The following PLPP3 variants were observed in gnomAD, a reference collection of about 807,000 sequenced individuals.
PLPP3 encodes phospholipid phosphatase 3.
In PLPP3, 6 loss-of-function variants were observed where a neutral mutation model predicts 29.6. The observed-to-expected ratio is 0.20, with a 90% CI of 0.11 to 0.40. The LOEUF (loss-of-function observed/expected upper bound fraction) is 0.40. PLPP3 is among the 10% of genes least tolerant of loss of function. The probability of loss-of-function intolerance (pLI) is 1.00; values close to 1 mark genes in which losing one functional copy is unlikely to be tolerated. For synonymous variants in PLPP3, 152 were observed against 159.7 expected (o/e 0.95, Z 0.36); for missense variants, 308 against 407.7 (o/e 0.76, Z 2.11).
intron 1 of PLPP3, among the ~76,000 whole-genome samples, chr1:56,577,925 TAA>T (rs35749896): frequency 6.8e-6 from 1 of 146,062 alleles, no homozygotes; most frequent in African/African-American, 2.5e-5. Context: ...TGATTCGCTT[TAA>T]AAAAAAAAAA....
intron 1 of PLPP3, among the ~76,000 whole-genome samples, chr1:56,542,630 T>C (rs535248969): frequency 3.5e-4 from 53 of 152,234 alleles, no homozygotes; most frequent in Admixed American, 5.9e-4. Flanking sequence ...TAAACTAACA[T>C]CTGCAGAAAG....
chr1:56,537,452 A>T (rs564863989), intron 1 of PLPP3, among the ~76,000 whole-genome samples: 7 of 152,300 alleles, frequency 4.6e-5, no homozygotes, highest in Admixed American at 3.9e-4. Flanking sequence ...TTACTAATAT[A>T]GCCCCAAATC....
chr1:56,537,189 G>A (rs558272436), intron 1 of PLPP3, 77 bp from the exon 2 acceptor site: 71 of 1,447,540 alleles, frequency 4.9e-5, no homozygotes, highest in East Asian at 2.3e-4. Context: ...TGCCAAAGAG[G>A]AACTTCAAGA....
intron 4 of PLPP3, among the ~76,000 whole-genome samples, chr1:56,517,609 T>C (rs1645790256): frequency 6.6e-6 from 1 of 152,246 alleles, no homozygotes; most frequent in East Asian, 1.9e-4. Flanking sequence ...CCAAGAGATA[T>C]GATGTACATT....
At chr1:56,554,398 C>T (rs1646060227) in intron 1 of PLPP3, among the ~76,000 whole-genome samples, 1 of 151,876 alleles carries the variant, frequency 6.6e-6, no homozygotes. Flanking sequence ...CGGTGAAACC[C>T]TGACTCTACT....
intron 1 of PLPP3, among the ~76,000 whole-genome samples, chr1:56,565,133 C>T (rs1038203885): frequency 6.6e-6 from 1 of 152,206 alleles, no homozygotes; most frequent in African/African-American, 2.4e-5. Flanking sequence ...ATGAAATCTG[C>T]TGTGTGGCTG....
At chr1:56,555,451 A>AAAAAAAAAC in intron 1 of PLPP3, among the ~76,000 whole-genome samples, 1 of 142,182 alleles carries the variant, frequency 7.0e-6, no homozygotes, top group South Asian at 2.4e-4. Context: ...AAAAAAAAAA[A>AAAAAAAAAC]AAAAAAAAAC....
chr1:56,496,804 G>A (rs1431958036), intron 5 of PLPP3, 128 bp from the exon 6 acceptor site: 1 of 897,274 alleles, frequency 1.1e-6, no homozygotes, highest in Non-Finnish European at 1.7e-6. Context: ...TTTGAATAGG[G>A]AAGGACAACA....
chr1:56,499,300 G>A (rs767467403), intron 5 of PLPP3, among the ~76,000 whole-genome samples: 5 of 152,226 alleles, frequency 3.3e-5, no homozygotes, highest in African/African-American at 1.2e-4. Flanking sequence ...GTTCTCTAAT[G>A]ATCTGGATAC....
chr1:56,537,733 A>G (rs1396886668), intron 1 of PLPP3, among the ~76,000 whole-genome samples: 1 of 151,920 alleles, frequency 6.6e-6, no homozygotes, highest in African/African-American at 2.4e-5. Context: ...TAGCTGCTTC[A>G]TGAATGCCAT....
In PLPP3 at chr1:56,579,181, C is replaced by G; in HGVS notation, c.-165G>C. 2.5e-6 allele frequency: 2 copies of G among 799,276 alleles called. No individual in the cohort carries two copies. The highest frequency in any genetic ancestry group is 3.7e-6 in the Non-Finnish European group (2 of 539,296). 49.5% of individuals were successfully genotyped at this position (799,276 alleles called of 1,614,324 possible). On this transcript the variant is annotated 5_prime_UTR_variant, in exon 1 of 6. Transcript: ENST00000371250. ...AGAGTGCAGCCGGGGCTGCCTGCCT[C>G]CAACTGCAGAAGGTGGTGTTTTCTG...
At chr1:56,538,486 G>C in intron 1 of PLPP3, 3 of 444,952 alleles carry the variant, frequency 6.7e-6, no homozygotes, top group Non-Finnish European at 1.3e-5. Flanking sequence ...AGAGGCACCC[G>C]ATAGATGTTC....
chr1:56,507,816 G>C (rs1233421937), intron 5 of PLPP3, among the ~76,000 whole-genome samples: 2 of 152,192 alleles, frequency 1.3e-5, no homozygotes, highest in African/African-American at 4.8e-5. Context: ...ACAGAAGAAG[G>C]TGTGACAATG....
At chr1:56,544,542 T>C (rs1003337133) in intron 1 of PLPP3, among the ~76,000 whole-genome samples, 11 of 152,172 alleles carry the variant, frequency 7.2e-5, no homozygotes, top group African/African-American at 2.7e-4. Context: ...GATACATCAA[T>C]TGATTTAATT....
intron 4 of PLPP3, 65 bp downstream of exon 4, chr1:56,523,758 C>T: frequency 1.1e-5 from 16 of 1,513,662 alleles, no homozygotes; most frequent in Non-Finnish European, 1.4e-5. Flanking sequence ...ATTTTGAGGG[C>T]TATCATATCA....
intron 2 of PLPP3, among the ~76,000 whole-genome samples, chr1:56,525,346 G>C (rs1262591093): frequency 6.6e-6 from 1 of 152,174 alleles, no homozygotes; most frequent in Non-Finnish European, 1.5e-5. Context: ...CAGTCAGCCT[G>C]TGCTGTCTTC....
At chr1:56,543,087 T>TA (rs1645981109) in intron 1 of PLPP3, among the ~76,000 whole-genome samples, 1 of 151,546 alleles carries the variant, frequency 6.6e-6, no homozygotes, top group African/African-American at 2.4e-5. Context: ...TATGAGTAGG[T>TA]ACTGTTCTAC....
Position 56,542,885 on chromosome 1 carries a change from G to GGTGGTGCA in PLPP3, c.140-5781_140-5774dup, listed in dbSNP as rs372309158. Among the ~76,000 whole-genome samples, 1,315 of 152,136 alleles carry GGTGGTGCA rather than the reference G, an allele frequency of 8.6e-3. 13 individuals carry two copies. Among genetic ancestry groups the GGTGGTGCA allele is most frequent in the African/African-American group, 0.03 (1,255 of 41,492 alleles). ...AAAAAAACAAAAATTAGCCGAGTGT[G>GGTGGTGCA]GTGGTGCATGCCTGTAGTCCCAGCT... On this transcript the variant is annotated intron_variant, in intron 1 of 5. Coordinates refer to ENST00000371250, the MANE Select transcript of PLPP3 (RefSeq NM_003713.5).
chr1:56,499,319 T>C (rs977312937), intron 5 of PLPP3, among the ~76,000 whole-genome samples: 2 of 152,112 alleles, frequency 1.3e-5, no homozygotes, highest in African/African-American at 4.8e-5. Flanking sequence ...ACCAAAGTAA[T>C]TACTGGGCCC....
Sources: allele counts gnomAD v4.1 joint callset (sites outside exome capture counted in the v4.1 genomes callset), GRCh38; gene constraint gnomAD v4.1.1; transcripts MANE v1.5; gene names NCBI Gene and HGNC (gene_info 2026-07-23, HGNC 2026-07-21).